DDR2: variants seen among roughly 807,000 people sequenced by gnomAD.
DDR2 encodes discoidin domain receptor tyrosine kinase 2.
Under a neutral mutation model 94.9 loss-of-function variants are expected in DDR2, and 27 were observed. The ratio of observed to expected loss-of-function variants is 0.28; its 90% CI spans 0.21 to 0.39. The LOEUF is 0.39. Among genes scored for constraint, DDR2 ranks in the 10% least tolerant of loss-of-function variants. The probability of loss-of-function intolerance (pLI) is 1.00; values close to 1 mark genes in which losing one functional copy is unlikely to be tolerated. For missense variants in DDR2, 783 were observed against 1,076.0 expected (o/e 0.73, Z 3.81); for synonymous variants, 382 against 377.2 (o/e 1.01, Z -0.15).
intron 2 of DDR2, among the ~76,000 whole-genome samples, chr1:162,714,599 A>G (rs1661072405): frequency 6.6e-6 from 1 of 152,142 alleles, no homozygotes; most frequent in Non-Finnish European, 1.5e-5. Flanking sequence ...TTTCTATACC[A>G]ATTGCATACT....
chr1:162,763,262 T>C (rs1171687183), intron 9 of DDR2, among the ~76,000 whole-genome samples: 2 of 138,692 alleles, frequency 1.4e-5, no homozygotes, highest in Non-Finnish European at 3.1e-5. Flanking sequence ...AACCTCCACC[T>C]CCCAGGTTCA....
At chr1:162,688,748 T>C (rs974554395) in intron 2 of DDR2, among the ~76,000 whole-genome samples, 3 of 152,180 alleles carry the variant, frequency 2.0e-5, no homozygotes, top group Non-Finnish European at 4.4e-5. Context: ...GGGTTGAACT[T>C]AGCTATTATT....
chr1:162,656,489 A>C (rs893056114), intron 2 of DDR2, among the ~76,000 whole-genome samples: 4 of 151,882 alleles, frequency 2.6e-5, no homozygotes, highest in Non-Finnish European at 5.9e-5. Context: ...CCTGGTGGTA[A>C]TAATTCACTT....
In DDR2 at chr1:162,715,042, C is replaced by T. The variant is rs142862964; in HGVS notation, c.-27-3995C>T. 7.2e-3 allele frequency among the ~76,000 whole-genome samples: 1,092 copies of T among 152,152 alleles called. 12 individuals carry two copies. Among genetic ancestry groups the T allele is most frequent in the African/African-American group, 0.025 (1,038 of 41,504 alleles). ...ATGTCACATTGTTTAAATATTGAACCCTTGGAAAGACTCATTCGAAGGTGC... is the reference window on the plus strand; with the variant it reads ...ATGTCACATTGTTTAAATATTGAACTCTTGGAAAGACTCATTCGAAGGTGC... On this transcript the variant is annotated intron_variant, in intron 2 of 17. Transcript: ENST00000367921.
chr1:162,732,685 G>T (rs572923436), intron 3 of DDR2, among the ~76,000 whole-genome samples: 1 of 152,208 alleles, frequency 6.6e-6, no homozygotes, highest in East Asian at 1.9e-4. Context: ...GTCTTGTCTG[G>T]GCCCAGAGAG....
chr1:162,744,375 A>T (rs1662752390), intron 3 of DDR2, among the ~76,000 whole-genome samples: 1 of 152,018 alleles, frequency 6.6e-6, no homozygotes, highest in Admixed American at 6.5e-5. Context: ...GCCATTTTTG[A>T]TATGTAACGT....
chr1:162,709,348 A>G (rs1318926449), intron 2 of DDR2, among the ~76,000 whole-genome samples: 1 of 152,222 alleles, frequency 6.6e-6, no homozygotes, highest in Non-Finnish European at 1.5e-5. Context: ...GGAAGGAAAA[A>G]CAGGAAGTTG....
intron 2 of DDR2, among the ~76,000 whole-genome samples, chr1:162,699,961 A>G (rs1660356957): frequency 3.9e-5 from 6 of 152,208 alleles, no homozygotes; most frequent in African/African-American, 4.8e-5. Context: ...ATGTAGCTCA[A>G]TTTGTTAGGA....
At chr1:162,746,954 G>A (rs1662900647) in intron 3 of DDR2, among the ~76,000 whole-genome samples, 1 of 152,168 alleles carries the variant, frequency 6.6e-6, no homozygotes, top group Non-Finnish European at 1.5e-5. Flanking sequence ...CTAACAAAGA[G>A]AAAGGAATAG....
intron 2 of DDR2, among the ~76,000 whole-genome samples, chr1:162,675,187 T>A (rs1659070488): frequency 6.6e-6 from 1 of 152,038 alleles, no homozygotes; most frequent in Admixed American, 6.6e-5. Context: ...GAAACATTGC[T>A]TCATTCAGAA....
At position 162,754,751 on chromosome 1, in the gene DDR2, C is replaced by T. The variant is rs759709680; in HGVS notation, c.313C>T (p.Arg105Cys). 7.4e-6 allele frequency: 12 copies of T among 1,614,048 alleles called. No individual in the cohort carries two copies. The highest frequency in any genetic ancestry group is 9.3e-6 in the Non-Finnish European group (11 of 1,179,996). Residue 105 changes from arginine (R) to cysteine (C), a missense_variant, in exon 5 of 18, where the codon CGC becomes TGC. Arg to Cys is a radical substitution (Grantham distance 180). This residue lies in a region of DDR2 where 519 missense variants were observed against 647.9 expected (regional missense o/e 0.80). Transcript: ENST00000367921. ...HFITLVGTQG[R>C]HAGGHGIEFA... The stretch of plus-strand genomic sequence containing the variant: ...TATCACTCTGGTGGGGACCCAGGGG[C>T]GCCATGCAGGAGGTCATGGCATCGA...
At chr1:162,747,335 T>C (rs950295712) in intron 3 of DDR2, among the ~76,000 whole-genome samples, 3 of 152,152 alleles carry the variant, frequency 2.0e-5, no homozygotes, top group Non-Finnish European at 4.4e-5. Flanking sequence ...AGTGACCTGG[T>C]GGAGCTGAAA....
rs766637472 is a variant in DDR2, at chr1:162,761,412, G to T, written c.1057G>T (p.Ala353Ser). The part of the protein sequence containing the change: ...ASAIKCQYHF[A>S]DTWMMFSEIT... ...TGCCATCAAGTGTCAATACCATTTT[G>T]CAGATACCTGGATGATGTTCAGTGA... The change falls in exon 9 of 18, where the codon GCA becomes TCA. Residue 353 changes from alanine to serine, a missense_variant. By Grantham distance (99) the Ala-to-Ser change is moderately conservative. Around this residue, in one of 2 missense-constraint regions of DDR2, gnomAD observed 519 missense variants for 647.9 expected, o/e 0.80. Coordinates refer to ENST00000367921, the MANE Select transcript of DDR2 (RefSeq NM_006182.4). 1.2e-6 allele frequency: 2 copies of T among 1,614,056 alleles called. No homozygotes were observed.
chr1:162,714,619 C>G (rs950155316), intron 2 of DDR2, among the ~76,000 whole-genome samples: 1 of 152,124 alleles, frequency 6.6e-6, no homozygotes, highest in Admixed American at 6.6e-5. Context: ...TCAGAGAGGC[C>G]TTTGCTGGCC....
intron 2 of DDR2, among the ~76,000 whole-genome samples, chr1:162,707,004 G>A (rs1339189351): frequency 1.3e-5 from 2 of 152,160 alleles, no homozygotes; most frequent in Non-Finnish European, 2.9e-5. Flanking sequence ...GACTTGTTTG[G>A]AGGAAGGGGT....
At chr1:162,687,304 G>A (rs2101968788) in intron 2 of DDR2, among the ~76,000 whole-genome samples, 1 of 152,352 alleles carries the variant, frequency 6.6e-6, no homozygotes, top group East Asian at 1.9e-4. Flanking sequence ...CTGGTCTTAA[G>A]CCTAGGAATA....
chr1:162,726,072 C>G (rs1222869100), intron 3 of DDR2, among the ~76,000 whole-genome samples: 1 of 152,188 alleles, frequency 6.6e-6, no homozygotes, highest in Non-Finnish European at 1.5e-5. Flanking sequence ...GTCTTCTCAC[C>G]TATCACTGAT....
chr1:162,780,046 T>C, intron 17 of DDR2, 66 bp from the exon 18 acceptor site: 1 of 1,607,742 alleles, frequency 6.2e-7, no homozygotes. Flanking sequence ...ATACTTCCCT[T>C]TCCCCCGTCT....
Position 162,748,776 on chromosome 1 carries a change from G to A in DDR2, c.83-4319G>A, listed in dbSNP as rs535791609. On this transcript the variant is annotated intron_variant, in intron 3 of 17. Coordinates refer to ENST00000367921, the MANE Select transcript of DDR2 (RefSeq NM_006182.4). ...GGAAGTAAAGCACTCCTCAGCAAATGTAAAAGAACAGAAACTATAACAAAC... is the reference window on the plus strand; with the variant it reads ...GGAAGTAAAGCACTCCTCAGCAAATATAAAAGAACAGAAACTATAACAAAC... Among the ~76,000 whole-genome samples, 7 of 152,292 alleles carry A rather than the reference G, an allele frequency of 4.6e-5. No homozygotes were observed. The South Asian group carries it at 1.0e-3, about 23-fold the overall frequency.
Sources: gnomAD v4.1 joint callset for allele counts (sites outside exome capture counted in the v4.1 genomes callset) on GRCh38, gnomAD v4.1.1 for gene constraint, gnomAD v4.1.1 regional missense constraint, MANE v1.5 for transcripts, NCBI Gene and HGNC (gene_info 2026-07-23, HGNC 2026-07-21) for gene names.